Variants in SHANK2 observed in about 807,000 individuals in gnomAD.
SHANK2 encodes SH3 and multiple ankyrin repeat domains protein 2.
SHANK2 carries 43 observed loss-of-function variants against 133.7 expected under a neutral mutation model. The observed-to-expected ratio is 0.32, with a 90% CI of 0.25 to 0.41. The LOEUF is 0.41. Ranked by LOEUF, SHANK2 falls within the 10% of genes least tolerant of loss-of-function variation. The probability of loss-of-function intolerance (pLI) is 1.00; values close to 1 mark genes in which losing one functional copy is unlikely to be tolerated. For missense variants in SHANK2, 1,994 were observed against 2,235.8 expected, an observed-to-expected ratio of 0.89 and a Z score of 2.18; for synonymous variants, 1,017 against 952.8, an observed-to-expected ratio of 1.07 and a Z score of -1.24.
chr11:71,180,604 G>A (rs1037995129), intron 2 of SHANK2, among the ~76,000 whole-genome samples: 1 of 152,140 alleles, frequency 6.6e-6, no homozygotes, highest in East Asian at 1.9e-4. Flanking sequence ...ATACATACAG[G>A]CTTCTAGAAA....
chr11:70,829,686 A>T (rs2135392938), intron 11 of SHANK2, among the ~76,000 whole-genome samples: 1 of 152,292 alleles, frequency 6.6e-6, no homozygotes, highest in East Asian at 1.9e-4. Flanking sequence ...AGGCTAAAGG[A>T]TCCCTTTTCC....
At chr11:70,478,485 C>T (rs1591478907) in intron 25 of SHANK2, among the ~76,000 whole-genome samples, 1 of 152,242 alleles carries the variant, frequency 6.6e-6, no homozygotes, top group South Asian at 2.1e-4. Context: ...CCCCATCTTG[C>T]ATGAAAATAG....
chr11:70,520,451 G>A (rs2059316565), intron 17 of SHANK2, among the ~76,000 whole-genome samples: 1 of 152,226 alleles, frequency 6.6e-6, no homozygotes, highest in South Asian at 2.1e-4. Context: ...ATTAGACTGA[G>A]GTATATATGG....
At chr11:70,475,936 C>T (rs376155182) in intron 25 of SHANK2, among the ~76,000 whole-genome samples, 2 of 152,280 alleles carry the variant, frequency 1.3e-5, no homozygotes, top group East Asian at 1.9e-4. Context: ...ATCAAGAAAT[C>T]AGAGGCTGCA....
In SHANK2 at chr11:70,659,918, C is replaced by T. The variant is rs146290859; in HGVS notation, c.1971G>A (p.Pro657=). The T allele has an allele frequency of 1.3e-4, 203 of 1,614,174 alleles. No individual in the cohort carries two copies. The African/African-American group carries it at 1.7e-3, about 14-fold the overall frequency. Residue 657 remains proline, a synonymous_variant, in exon 17 of 26, where the codon CCG becomes CCA. Coordinates refer to ENST00000601538, the MANE Select transcript of SHANK2 (RefSeq NM_012309.5). ...DTPIEEFTPT[P]AFPALQYLES... ...CCAGGTACTGTAGGGCTGGGAAAGC[C>T]GGTGTTGGTGTGAATTCTTCAATGG...
intron 17 of SHANK2, among the ~76,000 whole-genome samples, chr11:70,503,524 G>T (rs1169458890): frequency 2.6e-5 from 4 of 152,214 alleles, no homozygotes; most frequent in Non-Finnish European, 5.9e-5. Flanking sequence ...ACAAGAGTGG[G>T]GGCCCTGTCC....
intron 10 of SHANK2, among the ~76,000 whole-genome samples, chr11:70,955,452 T>TGTGTGC: frequency 6.6e-6 from 1 of 151,728 alleles, no homozygotes; most frequent in South Asian, 2.1e-4. Context: ...TGTGTGTGTG[T>TGTGTGC]GTGTGTGTGA....
In SHANK2 at chr11:71,113,296, C is replaced by T. The variant is rs782595362; in HGVS notation, c.480G>A (p.Thr160=). 5.8e-6 allele frequency: 9 copies of T among 1,551,716 alleles called. No homozygotes were observed. Among genetic ancestry groups the T allele is most frequent in the African/African-American group, 4.1e-5 (3 of 73,180 alleles). ...TAACAGCCCGTTCCCTGCATACCTT[C>T]GTGTGGAGCTTGGCCAACTGTTTCT... The part of the protein sequence containing the change: ...LDEKQLAKLH[T]KTNLKKCMDH... The change falls in exon 5 of 26, where the codon ACG becomes ACA. Residue 160 remains threonine (T), a synonymous_variant. Coordinates refer to ENST00000601538, the MANE Select transcript of SHANK2 (RefSeq NM_012309.5).
chr11:70,689,795 C>T (rs782208200), intron 15 of SHANK2, among the ~76,000 whole-genome samples: 5 of 151,934 alleles, frequency 3.3e-5, no homozygotes, highest in Non-Finnish European at 4.4e-5. Context: ...AAGCGAAATC[C>T]GAGAGAACTG....
chr11:70,696,210 T>C (rs972417070), intron 15 of SHANK2, among the ~76,000 whole-genome samples: 5 of 152,172 alleles, frequency 3.3e-5, no homozygotes, highest in African/African-American at 7.2e-5. Context: ...ACAGCCACAA[T>C]AGTTCTGCAA....
intron 17 of SHANK2, among the ~76,000 whole-genome samples, chr11:70,632,652 A>G (rs2061010494): frequency 1.3e-5 from 2 of 152,078 alleles, no homozygotes; most frequent in Admixed American, 6.6e-5. Flanking sequence ...GGATGTGGGC[A>G]CACAGCCACA....
chr11:70,891,247 G>A (rs1949840711), intron 11 of SHANK2, among the ~76,000 whole-genome samples: 2 of 152,206 alleles, frequency 1.3e-5, no homozygotes, highest in South Asian at 2.1e-4. Context: ...GGGCACGGTG[G>A]CTCACGCCTG....
At chr11:70,537,708 C>T (rs1199500236) in intron 17 of SHANK2, among the ~76,000 whole-genome samples, 4 of 152,270 alleles carry the variant, frequency 2.6e-5, no homozygotes, top group African/African-American at 9.6e-5. Context: ...CTCAAACACA[C>T]CCAACAAAGT....
intron 6 of SHANK2, among the ~76,000 whole-genome samples, chr11:71,104,871 C>A (rs934782350): frequency 2.0e-5 from 3 of 152,212 alleles, no homozygotes; most frequent in Non-Finnish European, 4.4e-5. Context: ...TGTCTGCAGC[C>A]GACCTGTGGG....
intron 17 of SHANK2, among the ~76,000 whole-genome samples, chr11:70,622,645 GCTCATGATCTCAAGAT>G (rs1330129282): frequency 6.6e-6 from 1 of 152,174 alleles, no homozygotes; most frequent in African/African-American, 2.4e-5. Context: ...GTGGCCTTCT[GCTCATGATCTCAAGAT>G]CTCATCTCAA....
At chr11:70,754,691 C>T (rs1413624213) in intron 14 of SHANK2, among the ~76,000 whole-genome samples, 1 of 152,126 alleles carries the variant, frequency 6.6e-6, no homozygotes, top group African/African-American at 2.4e-5. Context: ...TTTCTGGCCC[C>T]CATGGTCTCT....
intron 17 of SHANK2, among the ~76,000 whole-genome samples, chr11:70,622,721 C>T (rs797023604): frequency 3.9e-5 from 6 of 152,328 alleles, no homozygotes; most frequent in African/African-American, 1.4e-4. Context: ...GACCGTGTTT[C>T]CAAATGAGAT....
intron 10 of SHANK2, chr11:70,933,301 G>A: frequency 2.2e-6 from 1 of 454,870 alleles, no homozygotes; most frequent in Non-Finnish European, 4.4e-6. Flanking sequence ...ACTTAAATGA[G>A]CTCCCTAAAG....
At chr11:70,531,956 T>C (rs2059479700) in intron 17 of SHANK2, among the ~76,000 whole-genome samples, 1 of 152,130 alleles carries the variant, frequency 6.6e-6, no homozygotes, top group African/African-American at 2.4e-5. Flanking sequence ...GCCTGGACCG[T>C]GGTGTGTAGT....
Sources: allele counts gnomAD v4.1 joint callset (sites outside exome capture counted in the v4.1 genomes callset), GRCh38; gene constraint gnomAD v4.1.1; transcripts MANE v1.5; gene names NCBI Gene and HGNC (gene_info 2026-07-23, HGNC 2026-07-21).